The following DNASE1 variants were observed in gnomAD, a reference collection of about 807,000 sequenced individuals.
The protein encoded by DNASE1 is deoxyribonuclease 1.
A neutral mutation model predicts 33.9 loss-of-function variants in DNASE1; 40 were observed. The ratio of observed to expected loss-of-function variants is 1.18; its 90% CI spans 0.92 to 1.54. The LOEUF (loss-of-function observed/expected upper bound fraction) is 1.54, where lower values mean the gene tolerates loss of function less well. Ranked by LOEUF, DNASE1 falls within the 40% of genes most tolerant of loss-of-function variation. DNASE1 has a pLI of 0.00. For synonymous variants in DNASE1, 216 were observed against 160.0 expected (o/e 1.35, Z -2.64); for missense variants, 518 against 372.6 (o/e 1.39, Z -3.21).
In DNASE1 at chr16:3,657,988, G is replaced by GAGAGGACCCATCCT; in HGVS notation, c.*36_*49dup. ...CCCCACACCAGTTGAACTGCAGGAA[G>GAGAGGACCCATCCT]AGAGGACCCATCCTGCCACAGGACC... On this transcript the variant is annotated 3_prime_UTR_variant, in exon 9 of 9. Coordinates refer to ENST00000246949, the MANE Select transcript of DNASE1 (RefSeq NM_005223.4). 1 of 1,612,958 alleles carries GAGAGGACCCATCCT rather than the reference G, an allele frequency of 6.2e-7. No individual in the cohort carries two copies.
At chr16:3,648,741 G>T (rs568622370) in intron 1 of DNASE1, among the ~76,000 whole-genome samples, 1 of 152,356 alleles carries the variant, frequency 6.6e-6, no homozygotes, top group South Asian at 2.1e-4. Flanking sequence ...TTATGGGTCA[G>T]TGTTCTGCTT....
downstream of DNASE1, chr16:3,662,200 C>T: frequency 1.9e-6 from 3 of 1,558,864 alleles, no homozygotes; most frequent in Non-Finnish European, 2.6e-6. Context: ...AGGATCTTAC[C>T]AGGGGTGAAG....
At chr16:3,650,013 C>T (rs994735169), upstream of DNASE1, among the ~76,000 whole-genome samples, 2 of 152,046 alleles carry the variant, frequency 1.3e-5, no homozygotes, top group Non-Finnish European at 2.9e-5. Flanking sequence ...TAAAATGACC[C>T]GCCTGAGAAC....
chr16:3,630,357 C>T (rs963984068), intron 1 of DNASE1, among the ~76,000 whole-genome samples: 2 of 151,840 alleles, frequency 1.3e-5, no homozygotes, highest in Non-Finnish European at 2.9e-5. Flanking sequence ...AATTTTTGTA[C>T]TTTTTTGTAG....
At chr16:3,629,623 C>G (rs1260761721) in intron 1 of DNASE1, among the ~76,000 whole-genome samples, 1 of 152,080 alleles carries the variant, frequency 6.6e-6, no homozygotes, top group Non-Finnish European at 1.5e-5. Flanking sequence ...TTACTCTCCA[C>G]TTTTTTGGAA....
At chr16:3,613,981 C>T (rs1596543432) in intron 1 of DNASE1, among the ~76,000 whole-genome samples, 2 of 138,014 alleles carry the variant, frequency 1.4e-5, no homozygotes, top group East Asian at 2.1e-4. Context: ...GGTGTGATCT[C>T]GGCTCACTGC....
At position 3,631,276 on chromosome 16, in the gene DNASE1, C is replaced by T. The variant is rs114628722; in HGVS notation, c.-1358-9439C>T. 2.5e-3 allele frequency among the ~76,000 whole-genome samples: 378 copies of T among 152,194 alleles called. 3 individuals are homozygous for T. The highest frequency in any genetic ancestry group is 8.8e-3 in the African/African-American group (366 of 41,510). On this transcript the variant is annotated intron_variant and NMD_transcript_variant, in intron 1 of 11. Transcript: ENST00000570769. ...GGAGTGCAGTGGCAATCTTGACTCA[C>T]TGCAACCAACCTCTGCCTCCCAGAT...
At chr16:3,665,304 G>C (rs953037836) in exon 10 of DNASE1, 9 of 152,232 alleles carry the variant, frequency 5.9e-5, no homozygotes, top group Admixed American at 5.9e-4. Context: ...ACACCAGCAC[G>C]GGATGGGCTC....
chr16:3,664,490 T>A, exon 10 of DNASE1: 1 of 1,585,048 alleles, frequency 6.3e-7, no homozygotes. Context: ...CACCACTTAT[T>A]CCAGGCCCAT....
intron 1 of DNASE1, among the ~76,000 whole-genome samples, chr16:3,630,357 C>CT (rs2041659819): frequency 6.6e-6 from 1 of 151,960 alleles, no homozygotes; most frequent in African/African-American, 2.4e-5. Flanking sequence ...AATTTTTGTA[C>CT]TTTTTTGTAG....
chr16:3,660,393 T>A (rs1421162914), downstream of DNASE1: 1 of 152,238 alleles, frequency 6.6e-6, no homozygotes, highest in Non-Finnish European at 1.5e-5. Flanking sequence ...TCCCACCACT[T>A]TGGGAGGCCA....
intron 1 of DNASE1, among the ~76,000 whole-genome samples, chr16:3,643,871 C>T (rs971387654): frequency 6.6e-6 from 1 of 152,166 alleles, no homozygotes; most frequent in African/African-American, 2.4e-5. Context: ...ACGCCATTCT[C>T]CTGCCTCAGC....
chr16:3,652,781 C>CT (rs1388876681), upstream of DNASE1: 2 of 152,462 alleles, frequency 1.3e-5, no homozygotes, highest in Non-Finnish European at 2.9e-5. Flanking sequence ...AGACCGAGCA[C>CT]TTTCCTGACT....
In DNASE1 at chr16:3,657,352, C is replaced by T. The variant is rs768447357; in HGVS notation, c.704+11C>T. On this transcript the variant is annotated intron_variant, in intron 7 of 8. Transcript: ENST00000246949. Reference sequence around the variant, plus strand: ...CTGTGCCTATGACAGGTGAGCAGGGCCTCGCGCTTAGGGCAGACTGAGGGC... The same window carrying T: ...CTGTGCCTATGACAGGTGAGCAGGGTCTCGCGCTTAGGGCAGACTGAGGGC... The T allele has an allele frequency of 1.2e-6, 2 of 1,611,772 alleles. No homozygotes were observed. The highest frequency in any genetic ancestry group is 2.2e-5 in the East Asian group (1 of 44,874).
At chr16:3,648,216 C>T (rs1017351906) in intron 1 of DNASE1, among the ~76,000 whole-genome samples, 1 of 152,102 alleles carries the variant, frequency 6.6e-6, no homozygotes, top group African/African-American at 2.4e-5. Flanking sequence ...GAGGCTGAGG[C>T]AGGAGGATCC....
chr16:3,655,575 G>A, intron 2 of DNASE1, 55 bp downstream of exon 2: 2 of 1,611,942 alleles, frequency 1.2e-6, no homozygotes, highest in Non-Finnish European at 1.7e-6. Context: ...GTCTAGGGCT[G>A]GTGGGCAGGG....
At chr16:3,623,623 A>G (rs1318245143) in intron 1 of DNASE1, among the ~76,000 whole-genome samples, 1 of 151,722 alleles carries the variant, frequency 6.6e-6, no homozygotes, top group Non-Finnish European at 1.5e-5. Context: ...TCTCAACAAG[A>G]AAAAAAAACC....
intron 1 of DNASE1, among the ~76,000 whole-genome samples, chr16:3,646,455 T>C (rs1244861167): frequency 6.6e-6 from 1 of 151,290 alleles, no homozygotes; most frequent in Non-Finnish European, 1.5e-5. Flanking sequence ...AGCAAATGAG[T>C]CATATGGGCC....
upstream of DNASE1, among the ~76,000 whole-genome samples, chr16:3,639,143 A>G (rs535495848): frequency 1.4e-4 from 22 of 152,276 alleles, 1 homozygote; most frequent in South Asian, 4.3e-3. Flanking sequence ...TTATCAGTTT[A>G]TTGCGTCTCA....
Sources: allele counts gnomAD v4.1 joint callset (sites outside exome capture counted in the v4.1 genomes callset), GRCh38; gene constraint gnomAD v4.1.1; transcripts MANE v1.5; gene names NCBI Gene and HGNC (gene_info 2026-07-23, HGNC 2026-07-21).